The following UNC79 variants were observed in gnomAD, a reference collection of about 807,000 sequenced individuals.
UNC79 encodes unc-79 subunit of NALCN channel complex, also known as protein unc-79 homolog.
A neutral mutation model predicts 283.1 loss-of-function variants in UNC79; 37 were observed. The ratio of observed to expected loss-of-function variants is 0.13; its 90% CI spans 0.10 to 0.17. The LOEUF (loss-of-function observed/expected upper bound fraction) is 0.17, where lower values mean the gene tolerates loss of function less well. Ranked by LOEUF, UNC79 falls within the 10% of genes least tolerant of loss-of-function variation. The probability of loss-of-function intolerance (pLI) is 1.00; values close to 1 mark genes in which losing one functional copy is unlikely to be tolerated. For synonymous variants in UNC79, 1,107 were observed against 1,200.2 expected (o/e 0.92, Z 1.61); for missense variants, 2,272 against 3,211.1 (o/e 0.71, Z 7.07).
rs555700328 is a variant in UNC79 at position 93,529,420 on chromosome 14, CA to C, written c.1093+95del. On this transcript the variant is annotated intron_variant, in intron 10 of 48. Transcript: ENST00000555664. ...TTTGTACTATTTTATTTTACAAAGA[CA>C]GTCACCAAAGTATTGTATTGTATGA... is the stretch of plus-strand genomic sequence containing the variant. The C allele has an allele frequency of 1.5e-3, 2,023 of 1,368,884 alleles. 42 individuals carry two copies. In the South Asian group the frequency reaches 0.024, roughly 16 times the overall value. The allele number at this position is 1,368,884 out of a possible 1,614,324, so 84.8% of individuals were successfully genotyped here.
intron 7 of UNC79, among the ~76,000 whole-genome samples, chr14:93,504,308 A>T (rs570817953): frequency 6.6e-6 from 1 of 151,704 alleles, no homozygotes; most frequent in East Asian, 1.9e-4. Flanking sequence ...TATCTTGCCT[A>T]TTCCTAGCTG....
At chr14:93,502,194 A>C in intron 7 of UNC79, among the ~76,000 whole-genome samples, 1 of 152,190 alleles carries the variant, frequency 6.6e-6, no homozygotes, top group East Asian at 1.9e-4. Flanking sequence ...TGGGTGGATC[A>C]CCAGGTCAGG....
At chr14:93,556,858 C>T (rs2062206498) in intron 14 of UNC79, among the ~76,000 whole-genome samples, 1 of 152,164 alleles carries the variant, frequency 6.6e-6, no homozygotes. Flanking sequence ...CAGACCATTG[C>T]CTGGCTGTTA....
At chr14:93,643,483 G>A (rs943318) in intron 33 of UNC79, 74 bp from the exon 37 acceptor site, 1,034,365 of 1,607,712 alleles carry the variant, frequency 0.64, 336,189 homozygotes, top group Non-Finnish European at 0.67. Context: ...AAAAACAGCC[G>A]TGTGTGTAGT....
At chr14:93,636,206 C>T (rs1391935087) in intron 31 of UNC79, among the ~76,000 whole-genome samples, 1 of 152,188 alleles carries the variant, frequency 6.6e-6, no homozygotes, top group Non-Finnish European at 1.5e-5. Context: ...GAATTTTTCA[C>T]TTTTCAACCA....
intron 33 of UNC79, among the ~76,000 whole-genome samples, chr14:93,642,664 T>A (rs1395407540): frequency 6.6e-6 from 1 of 152,194 alleles, no homozygotes; most frequent in Non-Finnish European, 1.5e-5. Context: ...TCTTTCCTAT[T>A]TGCCTTTCTG....
intron 47 of UNC79, 152 bp from the exon 51 acceptor site, chr14:93,704,473 A>C: frequency 1.2e-6 from 1 of 859,756 alleles, no homozygotes; most frequent in Non-Finnish European, 1.8e-6. Flanking sequence ...TCAGAAAGAC[A>C]TTTTGCTGAT....
At chr14:93,445,285 G>C (rs980102651) in intron 1 of UNC79, among the ~76,000 whole-genome samples, 2 of 152,150 alleles carry the variant, frequency 1.3e-5, no homozygotes, top group African/African-American at 4.8e-5. Context: ...TTTCCAATCT[G>C]TATGCCTTTT....
chr14:93,609,884 G>A (rs2066173560), intron 26 of UNC79, among the ~76,000 whole-genome samples: 1 of 152,150 alleles, frequency 6.6e-6, no homozygotes, highest in African/African-American at 2.4e-5. Flanking sequence ...CCACTCTGGA[G>A]GGGTAAATTA....
intron 7 of UNC79, among the ~76,000 whole-genome samples, chr14:93,517,199 C>G (rs1395417828): frequency 6.6e-6 from 1 of 150,554 alleles, no homozygotes; most frequent in African/African-American, 2.4e-5. Flanking sequence ...CTCCACCCCT[C>G]TCTCCCTTTC....
At chr14:93,580,053 G>A (rs2063699308) in intron 18 of UNC79, 96 bp from the exon 19 acceptor site, 1 of 1,045,946 alleles carries the variant, frequency 9.6e-7, no homozygotes, top group Non-Finnish European at 1.4e-6. Context: ...TCCCCAAGTA[G>A]TGTGCCAATG....
At chr14:93,641,783 A>G (rs1362875903) in intron 33 of UNC79, among the ~76,000 whole-genome samples, 1 of 152,198 alleles carries the variant, frequency 6.6e-6, no homozygotes, top group East Asian at 1.9e-4. Flanking sequence ...CTATGTTCCC[A>G]CCCAAATCTC....
At chr14:93,693,041 A>G (rs1346440300) in intron 46 of UNC79, among the ~76,000 whole-genome samples, 2 of 152,244 alleles carry the variant, frequency 1.3e-5, no homozygotes, top group Non-Finnish European at 2.9e-5. Context: ...TGATAGAATA[A>G]TAGTCTAAGA....
chr14:93,672,268 G>C (rs982568354), intron 40 of UNC79, among the ~76,000 whole-genome samples: 1 of 152,196 alleles, frequency 6.6e-6, no homozygotes, highest in Non-Finnish European at 1.5e-5. Context: ...AATAGCAAGA[G>C]TATGGAGTCA....
intron 1 of UNC79, among the ~76,000 whole-genome samples, chr14:93,433,487 A>T (rs2055958950): frequency 6.6e-6 from 1 of 152,192 alleles, no homozygotes; most frequent in African/African-American, 2.4e-5. Context: ...GCAGCATTTT[A>T]TCCTTGGACT....
chr14:93,411,194 G>A (rs2055329629), intron 1 of UNC79, among the ~76,000 whole-genome samples: 1 of 152,118 alleles, frequency 6.6e-6, no homozygotes, highest in South Asian at 2.1e-4. Flanking sequence ...CCTGGCCACA[G>A]GATGAGGCCC....
chr14:93,687,423 A>C (rs1219287482), intron 43 of UNC79, among the ~76,000 whole-genome samples: 1 of 152,204 alleles, frequency 6.6e-6, no homozygotes, highest in Non-Finnish European at 1.5e-5. Context: ...GAGAGATCTG[A>C]GGAAGGCCCT....
intron 35 of UNC79, among the ~76,000 whole-genome samples, chr14:93,647,619 A>C (rs938951359): frequency 6.6e-6 from 1 of 152,120 alleles, no homozygotes. Flanking sequence ...TATGAAAAAG[A>C]GTGGGAGGAG....
chr14:93,445,548 A>G (rs1220387054), intron 1 of UNC79, among the ~76,000 whole-genome samples: 1 of 152,132 alleles, frequency 6.6e-6, no homozygotes, highest in East Asian at 1.9e-4. Context: ...TGTTTTCATG[A>G]GATATACTGG....
Sources: gnomAD v4.1 joint callset for allele counts (sites outside exome capture counted in the v4.1 genomes callset) on GRCh38, gnomAD v4.1.1 for gene constraint, MANE v1.5 for transcripts, NCBI Gene and HGNC (gene_info 2026-07-23, HGNC 2026-07-21) for gene names.